Variants in ADAM10 observed in about 807,000 individuals in gnomAD.
ADAM10 encodes the protein ADAM metallopeptidase domain 10, also known as disintegrin and metalloproteinase domain-containing protein 10.
In ADAM10, 17 loss-of-function variants were observed where a neutral mutation model predicts 90.1. That is an observed-to-expected ratio of 0.19 (90% CI 0.13 to 0.28). The LOEUF (loss-of-function observed/expected upper bound fraction) is 0.28. ADAM10 is among the 10% of genes least tolerant of loss of function. The pLI is 1.00. For synonymous variants in ADAM10, 310 were observed against 298.6 expected (o/e 1.04, Z -0.40); for missense variants, 610 against 914.3 (o/e 0.67, Z 4.29).
intron 2 of ADAM10, among the ~76,000 whole-genome samples, chr15:58,707,816 C>T (rs1898352352): frequency 3.9e-5 from 6 of 152,184 alleles, no homozygotes; most frequent in Admixed American, 3.3e-4. Context: ...GTGGCTCACA[C>T]CTGTAATCCT....
chr15:58,664,624 A>G (rs1415603077), intron 5 of ADAM10, among the ~76,000 whole-genome samples: 2 of 152,150 alleles, frequency 1.3e-5, no homozygotes, highest in Non-Finnish European at 2.9e-5. Flanking sequence ...TGTTTTGAAT[A>G]ACTATAACCT....
intron 2 of ADAM10, chr15:58,691,441 T>C (rs1290401288): frequency 4.5e-6 from 3 of 663,092 alleles, no homozygotes; most frequent in Non-Finnish European, 8.8e-6. Flanking sequence ...TCACCAATGA[T>C]GTCACAGATG....
At chr15:58,633,063 C>T in intron 9 of ADAM10, 133 bp downstream of exon 9, 1 of 853,784 alleles carries the variant, frequency 1.2e-6, no homozygotes, top group Non-Finnish European at 1.8e-6. Context: ...TGGTCAAATA[C>T]ATTACTGTGC....
chr15:58,617,465 A>G (rs1895649968), intron 11 of ADAM10, among the ~76,000 whole-genome samples: 1 of 152,172 alleles, frequency 6.6e-6, no homozygotes, highest in Non-Finnish European at 1.5e-5. Context: ...CTTCCTGATC[A>G]CCAGGTAAAA....
chr15:58,740,883 T>C (rs2068014495), intron 1 of ADAM10, among the ~76,000 whole-genome samples: 1 of 152,184 alleles, frequency 6.6e-6, no homozygotes, highest in Non-Finnish European at 1.5e-5. Flanking sequence ...GTTCTAATAT[T>C]CCAACTACTA....
chr15:58,625,628 A>C, intron 10 of ADAM10, among the ~76,000 whole-genome samples: 1 of 152,238 alleles, frequency 6.6e-6, no homozygotes, highest in East Asian at 1.9e-4. Context: ...AGCAATTGCT[A>C]TATGGTCCAT....
intron 1 of ADAM10, among the ~76,000 whole-genome samples, chr15:58,727,176 CTTTTTTTTTT>C (rs779017607): frequency 1.3e-4 from 10 of 78,018 alleles, no homozygotes; most frequent in South Asian, 4.8e-4. Context: ...CCTGACTAAT[CTTTTTTTTTT>C]TTTTTTTTTT....
At chr15:58,665,720 C>T (rs1345447354) in intron 4 of ADAM10, among the ~76,000 whole-genome samples, 2 of 152,064 alleles carry the variant, frequency 1.3e-5, no homozygotes, top group African/African-American at 4.8e-5. Context: ...CTCATAGTAG[C>T]TCAGTTTTAC....
chr15:58,735,893 T>G (rs1595668221), intron 1 of ADAM10, among the ~76,000 whole-genome samples: 5 of 152,202 alleles, frequency 3.3e-5, no homozygotes, highest in Admixed American at 2.6e-4. Flanking sequence ...TATACATACT[T>G]ACAAAAGGCA....
In ADAM10 at chr15:58,621,476, C is replaced by A. The variant is rs373774799; in HGVS notation, c.1506G>T (p.Gln502His). The change falls in exon 11 of 16, where the codon CAG becomes CAT. Residue 502 changes from glutamine (Q) to histidine (H), a missense_variant. This residue lies in a region of ADAM10 where 53 missense variants were observed against 62.0 expected (regional missense o/e 0.85). Transcript: ENST00000260408. ...CACTGAAATTAGCAAGGTACCTGCA[C>A]TGTTTCCCAGGTTTCAGTTTGCATT... ...GRKCKLKPGK[Q>H]CSPSQGPCCT... The A allele has an allele frequency of 6.2e-7, 1 of 1,614,064 alleles. No individual in the cohort carries two copies. Among genetic ancestry groups the A allele is most frequent in the Non-Finnish European group, 8.5e-7 (1 of 1,180,000 alleles).
intron 14 of ADAM10, chr15:58,609,814 A>G (rs1275948016): frequency 1.2e-5 from 2 of 166,976 alleles, no homozygotes; most frequent in African/African-American, 4.8e-5. Context: ...ATGAACATCC[A>G]TAATCATTAG....
chr15:58,729,967 A>C (rs1899174648), intron 1 of ADAM10, among the ~76,000 whole-genome samples: 1 of 134,838 alleles, frequency 7.4e-6, no homozygotes. Flanking sequence ...GTAAAAAAAA[A>C]CAAAAACAAA....
At chr15:58,630,899 C>A (rs1332664321) in intron 9 of ADAM10, among the ~76,000 whole-genome samples, 1 of 152,070 alleles carries the variant, frequency 6.6e-6, no homozygotes, top group African/African-American at 2.4e-5. Flanking sequence ...TGTTAGTGGG[C>A]CTAACAAGAG....
intron 11 of ADAM10, among the ~76,000 whole-genome samples, chr15:58,615,845 T>G (rs1487467443): frequency 6.6e-6 from 1 of 151,878 alleles, no homozygotes; most frequent in African/African-American, 2.4e-5. Context: ...CCGTCTCTAT[T>G]AAAAATACAA....
At position 58,611,889 on chromosome 15, in the gene ADAM10, G is replaced by T. The variant is rs920672739; in HGVS notation, c.1614C>A (p.Gly538=). The change falls in exon 12 of 16, where the codon GGC becomes GGA. Residue 538 remains glycine (G), a synonymous_variant. Coordinates refer to ENST00000260408, the MANE Select transcript of ADAM10 (RefSeq NM_001110.4). Reference sequence around the variant, plus strand: ...CAGATGCTGGGCAGAGAGCTGTGAAGCCATTACATATTCCTTCCCTTGCAC... The same window carrying T: ...CAGATGCTGGGCAGAGAGCTGTGAATCCATTACATATTCCTTCCCTTGCAC... ...SDCAREGICN[G]FTALCPASDP... is the part of the protein sequence containing the mutation. 6.2e-7 allele frequency: 1 copy of T among 1,614,186 alleles called. No homozygotes were observed.
chr15:58,725,072 C>T (rs1898986846), intron 1 of ADAM10, among the ~76,000 whole-genome samples: 1 of 151,886 alleles, frequency 6.6e-6, no homozygotes, highest in Admixed American at 6.6e-5. Context: ...GCCTACAGTC[C>T]CAGCTACTCG....
intron 1 of ADAM10, among the ~76,000 whole-genome samples, chr15:58,746,717 C>T (rs1048739278): frequency 2.0e-5 from 3 of 152,014 alleles, no homozygotes; most frequent in Admixed American, 2.0e-4. Flanking sequence ...TTGAGACCAG[C>T]CTGGGCAACG....
At chr15:58,695,690 A>AG (rs1897957433) in intron 2 of ADAM10, among the ~76,000 whole-genome samples, 1 of 152,162 alleles carries the variant, frequency 6.6e-6, no homozygotes, top group Non-Finnish European at 1.5e-5. Context: ...TAAAAAAAAA[A>AG]GAACGAACAT....
intron 4 of ADAM10, among the ~76,000 whole-genome samples, chr15:58,677,152 C>T (rs938317979): frequency 2.0e-5 from 3 of 152,166 alleles, no homozygotes; most frequent in Non-Finnish European, 2.9e-5. Flanking sequence ...TTTAAGGGAA[C>T]TCCTTCCGTA....
Sources: allele counts gnomAD v4.1 joint callset (sites outside exome capture counted in the v4.1 genomes callset), GRCh38; gene constraint gnomAD v4.1.1; regional missense constraint gnomAD v4.1.1; transcripts MANE v1.5; gene names NCBI Gene and HGNC (gene_info 2026-07-23, HGNC 2026-07-21).